PPP4R3A: variants seen among roughly 807,000 people sequenced by gnomAD.
The protein encoded by PPP4R3A is protein phosphatase 4 regulatory subunit 3A, also known as serine/threonine-protein phosphatase 4 regulatory subunit 3A.
In PPP4R3A, 15 loss-of-function variants were observed where a neutral mutation model predicts 91.7. The observed-to-expected ratio is 0.16, with a 90% CI of 0.11 to 0.25. The LOEUF is 0.25. Among genes scored for constraint, PPP4R3A ranks in the 10% least tolerant of loss-of-function variants. The pLI, the probability that PPP4R3A is intolerant of heterozygous loss-of-function variation, is 1.00. For missense variants in PPP4R3A, 623 were observed against 998.4 expected (o/e 0.62, Z 5.07); for synonymous variants, 377 against 348.7 (o/e 1.08, Z -0.91).
chr14:91,501,126 C>T (rs948504209), intron 1 of PPP4R3A, among the ~76,000 whole-genome samples: 1 of 152,168 alleles, frequency 6.6e-6, no homozygotes, highest in African/African-American at 2.4e-5. Context: ...TTAACTTCCT[C>T]TCACTGAAGA....
chr14:91,498,771 A>G (rs8020546), intron 1 of PPP4R3A, among the ~76,000 whole-genome samples: 133,061 of 151,746 alleles, frequency 0.88, 58,578 homozygotes, highest in East Asian at 0.96. Flanking sequence ...AAAATTAGCC[A>G]GGCGTGGTGG....
At position 91,458,475 on chromosome 14, in the gene PPP4R3A, ACCCCT is replaced by A; in HGVS notation, c.*279_*283del. On this transcript the variant is annotated 3_prime_UTR_variant, in exon 15 of 15. Coordinates refer to ENST00000554943, the MANE Select transcript of PPP4R3A (RefSeq NM_001366432.2). ...GTCAATCCAGAGTTCCACTTACAAA[ACCCCT>A]GCCCTGTTGGCTTTTTGTTTCCATT... is the stretch of plus-strand genomic sequence containing the variant. 2.2e-6 allele frequency: 1 copy of A among 456,576 alleles called. No homozygotes were observed. The highest frequency in any genetic ancestry group is 4.0e-6 in the Non-Finnish European group (1 of 248,602). 28.3% of individuals were successfully genotyped at this position (456,576 alleles called of 1,614,324 possible). A position where few individuals can be genotyped will look rare whatever the true frequency, so the allele number is the denominator to read the frequency against.
Position 91,509,714 on chromosome 14 carries a change from C to T in PPP4R3A, c.-67G>A, listed in dbSNP as rs1891662856. 3 of 1,501,332 alleles carry T rather than the reference C, an allele frequency of 2.0e-6. No individual in the cohort carries two copies. The highest frequency in any genetic ancestry group is 1.8e-6 in the Non-Finnish European group (2 of 1,132,952). 93.0% of individuals were successfully genotyped at this position (1,501,332 alleles called of 1,614,324 possible). On this transcript the variant is annotated 5_prime_UTR_variant, in exon 1 of 15. Transcript: ENST00000554943. ...GCCCAGGAAAGGGGCCCTGGAGAGGCGAGGGGCGAGGCGTGAGGGCGCCCG... is the reference window on the plus strand; with the variant it reads ...GCCCAGGAAAGGGGCCCTGGAGAGGTGAGGGGCGAGGCGTGAGGGCGCCCG...
intron 9 of PPP4R3A, among the ~76,000 whole-genome samples, chr14:91,472,287 T>C (rs563197207): frequency 2.0e-5 from 3 of 152,188 alleles, no homozygotes; most frequent in South Asian, 2.1e-4. Flanking sequence ...CCTAGCTCTG[T>C]CTATACATCT....
intron 14 of PPP4R3A, among the ~76,000 whole-genome samples, chr14:91,460,766 G>A (rs1239139699): frequency 5.3e-5 from 8 of 149,866 alleles, no homozygotes; most frequent in East Asian, 2.0e-4. Flanking sequence ...GACTACAGGC[G>A]CCCGCCACCA....
chr14:91,460,302 C>A (rs1234627803), intron 14 of PPP4R3A, among the ~76,000 whole-genome samples: 1 of 152,146 alleles, frequency 6.6e-6, no homozygotes, highest in East Asian at 1.9e-4. Context: ...CGTAAGCCAC[C>A]GCGCCTGGCT....
At position 91,477,784 on chromosome 14, in the gene PPP4R3A, G is replaced by A. The variant is rs550415708; in HGVS notation, c.916-798C>T. ...CTGTCTCAGTCTCCTTAGCAGCTGG[G>A]ACTACAGGCACACACCACTACACCC... On this transcript the variant is annotated intron_variant, in intron 4 of 14. Transcript: ENST00000554943. Among the ~76,000 whole-genome samples the A allele has an allele frequency of 1.5e-3, 233 of 152,262 alleles. 3 individuals are homozygous for A. The highest frequency in any genetic ancestry group is 1.7e-3 in the Non-Finnish European group (115 of 68,022).
In PPP4R3A at chr14:91,465,428, C is replaced by CA. The variant is rs931532230; in HGVS notation, c.1661-10dup. ...TTTAAAACGAAGGGCACCTGAAACA[C>CA]AGAGGCATGGTTGTTTAAATCACAT... On this transcript the variant is annotated splice_polypyrimidine_tract_variant and intron_variant, in intron 10 of 14. Coordinates refer to ENST00000554943, the MANE Select transcript of PPP4R3A (RefSeq NM_001366432.2). 1 of 1,577,778 alleles carries CA rather than the reference C, an allele frequency of 6.3e-7. No individual in the cohort carries two copies. Among genetic ancestry groups the CA allele is most frequent in the Non-Finnish European group, 8.6e-7 (1 of 1,166,210 alleles).
intron 11 of PPP4R3A, among the ~76,000 whole-genome samples, chr14:91,463,254 G>A (rs1888271688): frequency 6.6e-6 from 1 of 151,782 alleles, no homozygotes; most frequent in African/African-American, 2.4e-5. Context: ...TAGTAGAGAT[G>A]GGGTGTCTCC....
intron 3 of PPP4R3A, among the ~76,000 whole-genome samples, chr14:91,483,021 C>T (rs1889667191): frequency 6.6e-6 from 1 of 152,130 alleles, no homozygotes; most frequent in African/African-American, 2.4e-5. Flanking sequence ...CTCTAGGAGC[C>T]TGAAAATCTG....
At chr14:91,499,939 C>T (rs1890838542) in intron 1 of PPP4R3A, among the ~76,000 whole-genome samples, 1 of 151,724 alleles carries the variant, frequency 6.6e-6, no homozygotes, top group African/African-American at 2.4e-5. Context: ...CACAACACAA[C>T]ACTACACCTC....
At position 91,475,900 on chromosome 14, in the gene PPP4R3A, G is replaced by A; in HGVS notation, c.1177C>T (p.Pro393Ser). 6.2e-7 allele frequency: 1 copy of A among 1,613,114 alleles called. No individual in the cohort carries two copies. The highest frequency in any genetic ancestry group is 8.5e-7 in the Non-Finnish European group (1 of 1,179,700). ...ATGACAAACTCTCGTACCATGGATGGATTATATTCAACCAAGTATGAGAAT... is the reference window on the plus strand; with the variant it reads ...ATGACAAACTCTCGTACCATGGATGAATTATATTCAACCAAGTATGAGAAT... ...DIFSYLVEYN[P>S]SMVREFVMQE... Residue 393 changes from proline (P) to serine (S), a missense_variant, in exon 7 of 15, where the codon CCA (proline) becomes TCA (serine). Pro to Ser is a moderately conservative substitution (Grantham distance 74). This residue lies in a region of PPP4R3A where 264 missense variants were observed against 377.3 expected (regional missense o/e 0.70). Coordinates refer to ENST00000554943, the MANE Select transcript of PPP4R3A (RefSeq NM_001366432.2).
At chr14:91,468,683 AAAAAAAGGAAAAAAG>A in intron 10 of PPP4R3A, among the ~76,000 whole-genome samples, 5 of 147,866 alleles carry the variant, frequency 3.4e-5, no homozygotes, top group African/African-American at 1.2e-4. Context: ...AAAAAAAAAA[AAAAAAAGGAAAAAAG>A]AAAAAAAAGA....
At chr14:91,495,832 T>C (rs1414286703) in intron 1 of PPP4R3A, among the ~76,000 whole-genome samples, 1 of 151,684 alleles carries the variant, frequency 6.6e-6, no homozygotes, top group Non-Finnish European at 1.5e-5. Flanking sequence ...GGTGGGAGGA[T>C]TGCCTAAGCC....
chr14:91,473,213 A>C (rs1274946982), intron 8 of PPP4R3A, 26 bp downstream of exon 8: 1 of 1,612,496 alleles, frequency 6.2e-7, no homozygotes, highest in East Asian at 2.2e-5. Context: ...TAGCTATGAA[A>C]AAGAGGGGAA....
At chr14:91,498,542 G>T (rs1184671376) in intron 1 of PPP4R3A, among the ~76,000 whole-genome samples, 1 of 152,024 alleles carries the variant, frequency 6.6e-6, no homozygotes, top group Non-Finnish European at 1.5e-5. Context: ...GAGTATAAAG[G>T]TATCTAGCTG....
intron 9 of PPP4R3A, 27 bp from the exon 10 acceptor site, chr14:91,471,022 A>G (rs760448652): frequency 2.6e-6 from 4 of 1,552,730 alleles, no homozygotes; most frequent in Non-Finnish European, 3.5e-6. Flanking sequence ...ACAACTAATT[A>G]TATTTAATGA....
chr14:91,475,540 C>A, intron 7 of PPP4R3A: 1 of 314,206 alleles, frequency 3.2e-6, no homozygotes, highest in East Asian at 7.1e-5. Flanking sequence ...TTAAAAAACA[C>A]AATATAGCAA....
intron 1 of PPP4R3A, among the ~76,000 whole-genome samples, chr14:91,497,884 C>A (rs553459350): frequency 6.6e-6 from 1 of 152,258 alleles, no homozygotes; most frequent in East Asian, 1.9e-4. Context: ...CACTATGGGG[C>A]CTGCAAAGTC....
Sources: gnomAD v4.1 joint callset for allele counts (sites outside exome capture counted in the v4.1 genomes callset) on GRCh38, gnomAD v4.1.1 for gene constraint, gnomAD v4.1.1 regional missense constraint, MANE v1.5 for transcripts, NCBI Gene and HGNC (gene_info 2026-07-23, HGNC 2026-07-21) for gene names.